TASP1: variants seen among roughly 807,000 people sequenced by gnomAD.
TASP1 encodes the protein threonine aspartase 1.
In TASP1, 16 loss-of-function variants were observed where a neutral mutation model predicts 56.6. The ratio of observed to expected loss-of-function variants is 0.28; its 90% CI spans 0.19 to 0.43. The LOEUF (loss-of-function observed/expected upper bound fraction) is 0.43, where lower values mean the gene tolerates loss of function less well. Ranked by LOEUF, TASP1 falls within the 20% of genes least tolerant of loss-of-function variation. The pLI is 1.00. For missense variants in TASP1, 393 were observed against 511.6 expected (o/e 0.77, Z 2.24); for synonymous variants, 179 against 184.2 (o/e 0.97, Z 0.23).
At chr20:13,192,964 T>A in the TASP1 span, among the ~76,000 whole-genome samples, 1 of 152,024 alleles carries the variant, frequency 6.6e-6, no homozygotes. Context: ...GAGAGAAAAA[T>A]TAGAAATATT....
At chr20:13,223,935 G>A in the TASP1 span, among the ~76,000 whole-genome samples, 3 of 152,030 alleles carry the variant, frequency 2.0e-5, no homozygotes, top group South Asian at 2.1e-4. Flanking sequence ...AGAATAACCC[G>A]GGGTTGGCCT....
chr20:13,340,181 T>C, the TASP1 span, among the ~76,000 whole-genome samples: 6 of 152,118 alleles, frequency 3.9e-5, no homozygotes, highest in Admixed American at 1.3e-4. Flanking sequence ...TTCCAGATTC[T>C]CCCATCTTCC....
chr20:13,343,710 C>T, the TASP1 span, among the ~76,000 whole-genome samples: 6 of 152,298 alleles, frequency 3.9e-5, no homozygotes, highest in Admixed American at 6.5e-5. Flanking sequence ...GGGCGTCCAC[C>T]TCCTCACAGC....
At chr20:13,284,752 G>C in the TASP1 span, among the ~76,000 whole-genome samples, 2,386 of 152,260 alleles carry the variant, frequency 0.016, 77 homozygotes, top group African/African-American at 0.053. Flanking sequence ...TCACTTCACT[G>C]TCAGCCTCAA....
the TASP1 span, chr20:13,299,490 T>A: frequency 5.1e-6 from 8 of 1,567,690 alleles, no homozygotes; most frequent in South Asian, 9.2e-5. This position sits in a 1 kb window ranked among gnomAD's most constrained non-coding sequence, Gnocchi z 5.8. Flanking sequence ...GGACGCTGCC[T>A]CTGGTTCTGG....
intron 4 of TASP1, among the ~76,000 whole-genome samples, chr20:13,606,499 C>A (rs1305779264): frequency 2.0e-5 from 3 of 152,020 alleles, no homozygotes; most frequent in Admixed American, 6.6e-5. Context: ...AATGTAAGAC[C>A]CTTAAATATA....
chr20:13,147,923 G>A, the TASP1 span, among the ~76,000 whole-genome samples: 1 of 152,200 alleles, frequency 6.6e-6, no homozygotes, highest in Non-Finnish European at 1.5e-5. Context: ...GTTAGAAAAC[G>A]AGATTGCAAA....
chr20:13,458,785 G>A lies in TASP1; in HGVS notation c.986-23631C>T, dbSNP rs1026014097. Among the ~76,000 whole-genome samples the A allele has an allele frequency of 2.5e-4, 38 of 152,248 alleles. 3 individuals carry two copies. The highest frequency in any genetic ancestry group is 7.9e-4 in the African/African-American group (33 of 41,560). On this transcript the variant is annotated intron_variant, in intron 11 of 13. Coordinates refer to ENST00000337743, the MANE Select transcript of TASP1 (RefSeq NM_017714.3). ...ATGTTAGTTAACGCCACAGCTCAGC[G>A]AAAAAACAACTGATCTGGGGACAAG...
At chr20:13,138,350 A>G in the TASP1 span, among the ~76,000 whole-genome samples, 1 of 151,878 alleles carries the variant, frequency 6.6e-6, no homozygotes, top group East Asian at 1.9e-4. Context: ...CCCACAATAC[A>G]CTACCCCCAT....
At chr20:13,355,899 A>G in the TASP1 span, among the ~76,000 whole-genome samples, 15 of 152,196 alleles carry the variant, frequency 9.9e-5, no homozygotes, top group Non-Finnish European at 1.8e-4. Flanking sequence ...AAAGAGTCCT[A>G]TGGAGATTTC....
At chr20:13,318,004 C>T in the TASP1 span, among the ~76,000 whole-genome samples, 2 of 151,870 alleles carry the variant, frequency 1.3e-5, no homozygotes, top group African/African-American at 4.8e-5. Flanking sequence ...CATGAAAAAA[C>T]AAGCCAAAGA....
At chr20:13,460,869 C>T (rs1372086595) in intron 11 of TASP1, among the ~76,000 whole-genome samples, 4 of 152,178 alleles carry the variant, frequency 2.6e-5, no homozygotes, top group Non-Finnish European at 5.9e-5. Flanking sequence ...AGGTTCTACT[C>T]TTGCCTCCCA....
At chr20:13,207,834 T>C in the TASP1 span, among the ~76,000 whole-genome samples, 1 of 152,184 alleles carries the variant, frequency 6.6e-6, no homozygotes, top group East Asian at 1.9e-4. Flanking sequence ...CTCAGTCACG[T>C]TGACACATAA....
chr20:13,567,288 G>A (rs1601278691), intron 7 of TASP1, among the ~76,000 whole-genome samples: 1 of 152,004 alleles, frequency 6.6e-6, no homozygotes, highest in South Asian at 2.1e-4. Context: ...GGTGGGAGGG[G>A]GGAAAAGGAT....
At chr20:13,498,524 A>G (rs961079844) in intron 10 of TASP1, among the ~76,000 whole-genome samples, 6 of 151,854 alleles carry the variant, frequency 4.0e-5, no homozygotes, top group African/African-American at 1.5e-4. Context: ...ACGCCCAGCT[A>G]ATTTTTGTAT....
chr20:13,147,385 C>T, the TASP1 span, among the ~76,000 whole-genome samples: 1 of 152,148 alleles, frequency 6.6e-6, no homozygotes, highest in Admixed American at 6.5e-5. Flanking sequence ...TTGATCTTTA[C>T]CGAGATCTCT....
At chr20:13,365,897 A>T in the TASP1 span, among the ~76,000 whole-genome samples, 7 of 151,642 alleles carry the variant, frequency 4.6e-5, no homozygotes, top group African/African-American at 1.5e-4. Context: ...AAGGCAGAAG[A>T]TGAGACAACA....
the TASP1 span, among the ~76,000 whole-genome samples, chr20:13,247,742 C>A: frequency 6.6e-6 from 1 of 152,062 alleles, no homozygotes; most frequent in Admixed American, 6.6e-5. Context: ...GGAAACCTGA[C>A]CACGACAGGA....
chr20:13,421,294 C>T (rs1173538657), intron 12 of TASP1, among the ~76,000 whole-genome samples: 2 of 151,762 alleles, frequency 1.3e-5, no homozygotes, highest in Non-Finnish European at 2.9e-5. Context: ...AGGCTGGTTT[C>T]GAACTCTTGA....
Sources: gnomAD v4.1 joint callset for allele counts (sites outside exome capture counted in the v4.1 genomes callset) on GRCh38, gnomAD v4.1.1 for gene constraint, Gnocchi (gnomAD v3.1) non-coding constraint, MANE v1.5 for transcripts, NCBI Gene and HGNC (gene_info 2026-07-23, HGNC 2026-07-21) for gene names.